ZC3H3: variants seen among roughly 807,000 people sequenced by gnomAD.
The protein encoded by ZC3H3 is zinc finger CCCH domain-containing protein 3.
A neutral mutation model predicts 77.3 loss-of-function variants in ZC3H3; 36 were observed. That is an observed-to-expected ratio of 0.47 (90% CI 0.36 to 0.61). The LOEUF is 0.61. ZC3H3 is among the 20% of genes least tolerant of loss of function. The probability of loss-of-function intolerance (pLI) is 0.00; values close to 1 mark genes in which losing one functional copy is unlikely to be tolerated. For synonymous variants in ZC3H3, 626 were observed against 555.2 expected, an observed-to-expected ratio of 1.13 and a Z score of -1.79; for missense variants, 1,331 against 1,312.2, an observed-to-expected ratio of 1.01 and a Z score of -0.22.
chr8:143,479,823 G>A (rs370004636), intron 4 of ZC3H3, among the ~76,000 whole-genome samples: 4 of 152,204 alleles, frequency 2.6e-5, no homozygotes, highest in African/African-American at 9.7e-5. Context: ...GCCAGGAGGG[G>A]GAGATAACAT....
At chr8:143,501,870 C>T (rs537245988) in intron 4 of ZC3H3, among the ~76,000 whole-genome samples, 4 of 152,368 alleles carry the variant, frequency 2.6e-5, no homozygotes, top group African/African-American at 9.6e-5. Flanking sequence ...CAGAAGATGG[C>T]GAGAACCCTG....
At chr8:143,439,979 C>G in intron 11 of ZC3H3, 62 bp downstream of exon 11, 1 of 1,410,622 alleles carries the variant, frequency 7.1e-7, no homozygotes. Context: ...CCAGGCCGTG[C>G]TGCCTACCTG....
chr8:143,445,987 T>C (rs1819854386), intron 9 of ZC3H3, among the ~76,000 whole-genome samples: 1 of 152,222 alleles, frequency 6.6e-6, no homozygotes, highest in Non-Finnish European at 1.5e-5. Flanking sequence ...ATTCAGAGCA[T>C]GGTTTGGCTC....
At chr8:143,534,943 G>A (rs1337994125) in intron 3 of ZC3H3, among the ~76,000 whole-genome samples, 6 of 151,892 alleles carry the variant, frequency 4.0e-5, no homozygotes, top group Non-Finnish European at 8.8e-5. Flanking sequence ...GGGACCCAAC[G>A]CCCTGCCCTC....
At chr8:143,532,128 TTGAAA>T (rs2130500319) in intron 3 of ZC3H3, among the ~76,000 whole-genome samples, 1 of 152,402 alleles carries the variant, frequency 6.6e-6, no homozygotes, top group East Asian at 1.9e-4. Context: ...TATCTGCCAC[TTGAAA>T]TGAACAGGGG....
In ZC3H3 at chr8:143,475,539, T is replaced by C. The variant is rs778535303; in HGVS notation, c.1762A>G (p.Lys588Glu). The C allele has an allele frequency of 6.2e-7, 1 of 1,610,492 alleles. No individual in the cohort carries two copies. Among genetic ancestry groups the C allele is most frequent in the Admixed American group, 1.7e-5 (1 of 59,578 alleles). The change falls in exon 5 of 12, where the codon AAA becomes GAA. Residue 588 changes from lysine (K) to glutamate (E), a missense_variant. By Grantham distance (56) the Lys-to-Glu change is moderately conservative. This residue lies in a region of ZC3H3 where 978 missense variants were observed against 915.5 expected (regional missense o/e 1.07). Coordinates refer to ENST00000262577, the MANE Select transcript of ZC3H3 (RefSeq NM_015117.3). ...CACCAAGGGGAGCCCGGTTGGGCTT[T>C]CCCACCCCCGCTGGCAACTGGACGC... ...RLRPVASGGG[K>E]AQPGSPWWRS...
intron 3 of ZC3H3, among the ~76,000 whole-genome samples, chr8:143,516,345 C>T (rs1047127017): frequency 6.6e-6 from 1 of 152,186 alleles, no homozygotes; most frequent in Non-Finnish European, 1.5e-5. Flanking sequence ...AGCAGGGCCA[C>T]GGGGCCGCTG....
chr8:143,471,020 T>C (rs1820547664), intron 5 of ZC3H3, among the ~76,000 whole-genome samples: 2 of 152,150 alleles, frequency 1.3e-5, no homozygotes, highest in South Asian at 4.1e-4. Context: ...TGTCAGGCTC[T>C]GCAAGGCAAG....
At position 143,465,955 on chromosome 8, in the gene ZC3H3, G is replaced by A. The variant is rs1008499119; in HGVS notation, c.2176-107C>T. ...CCCCGCCCGAGAGAGAAATGGACAC[G>A]CGGCACCAGCAGGCAGGAAGGGCAG... On this transcript the variant is annotated intron_variant, in intron 8 of 11. Coordinates refer to ENST00000262577, the MANE Select transcript of ZC3H3 (RefSeq NM_015117.3). 7.0e-6 allele frequency: 10 copies of A among 1,427,024 alleles called. No individual in the cohort carries two copies. In the East Asian group the frequency reaches 7.5e-5, roughly 11 times the overall value. The allele number at this position is 1,427,024 out of a possible 1,614,324, so 88.4% of individuals were successfully genotyped here.
intron 4 of ZC3H3, among the ~76,000 whole-genome samples, chr8:143,486,205 G>A (rs12542047): frequency 0.17 from 26,441 of 152,338 alleles, 2,888 homozygotes; most frequent in Non-Finnish European, 0.25. Context: ...CCACACGGCA[G>A]GGAAAAAGAA....
At chr8:143,505,350 G>T (rs1821656188) in intron 4 of ZC3H3, among the ~76,000 whole-genome samples, 2 of 152,228 alleles carry the variant, frequency 1.3e-5, no homozygotes, top group Non-Finnish European at 2.9e-5. Context: ...CACCGGAGAT[G>T]GCGCATGGGC....
At chr8:143,500,723 A>G (rs1385640626) in intron 4 of ZC3H3, among the ~76,000 whole-genome samples, 1 of 151,848 alleles carries the variant, frequency 6.6e-6, no homozygotes, top group African/African-American at 2.4e-5. Flanking sequence ...GGCCCCTCCC[A>G]CCACACAGCA....
intron 3 of ZC3H3, among the ~76,000 whole-genome samples, chr8:143,508,504 T>C (rs1821777055): frequency 6.6e-6 from 1 of 152,270 alleles, no homozygotes; most frequent in African/African-American, 2.4e-5. Context: ...TGCTGAATGT[T>C]TCATGCAATT....
intron 9 of ZC3H3, among the ~76,000 whole-genome samples, chr8:143,452,898 A>C (rs915953519): frequency 4.6e-5 from 7 of 152,350 alleles, no homozygotes; most frequent in Admixed American, 2.6e-4. Flanking sequence ...CAAAGAAATA[A>C]TACAAACTTT....
intron 5 of ZC3H3, among the ~76,000 whole-genome samples, chr8:143,472,513 C>T (rs958316328): frequency 5.3e-5 from 8 of 152,192 alleles, no homozygotes; most frequent in Non-Finnish European, 1.2e-4. Flanking sequence ...GCTGAGCGGG[C>T]CAGGGCTATG....
chr8:143,438,064 G>A lies in ZC3H3; in HGVS notation c.2839C>T (p.Arg947Cys), dbSNP rs1403437667. The change falls in exon 12 of 12, where the codon CGT becomes TGT. Residue 947 changes from arginine (R) to cysteine (C), a missense_variant. Coordinates refer to ENST00000262577, the MANE Select transcript of ZC3H3 (RefSeq NM_015117.3). ...DSGKPLHIKP[R>C]L ...GCCGGTCCCTGGGGTCCTCACAGACGTGGTTTGATGTGCAGAGGCTTCCCT... is the reference window on the plus strand; with the variant it reads ...GCCGGTCCCTGGGGTCCTCACAGACATGGTTTGATGTGCAGAGGCTTCCCT... The A allele has an allele frequency of 3.1e-6, 5 of 1,611,342 alleles. No homozygotes were observed. Among genetic ancestry groups the A allele is most frequent in the African/African-American group, 1.3e-5 (1 of 75,018 alleles).
At position 143,440,315 on chromosome 8, in the gene ZC3H3, A is replaced by T; in HGVS notation, c.2541T>A (p.Ala847=). 6.4e-7 allele frequency: 1 copy of T among 1,555,158 alleles called. No homozygotes were observed. Among genetic ancestry groups the T allele is most frequent in the Non-Finnish European group, 8.7e-7 (1 of 1,147,680 alleles). ...QRPTRQTPSS[A]ALTAAAVAAP... is the part of the protein sequence containing the mutation. The stretch of plus-strand genomic sequence containing the variant: ...CAGCCACGGCAGCCGCAGTGAGGGC[A>T]GCCGAGCTGGGCGTCTGCCTGGTGG... The change falls in exon 11 of 12, where the codon GCT becomes GCA. Residue 847 remains alanine (A), a synonymous_variant. Transcript: ENST00000262577.
chr8:143,508,020 T>C (rs1156584909), intron 3 of ZC3H3, 121 bp from the exon 4 acceptor site: 2 of 1,192,564 alleles, frequency 1.7e-6, no homozygotes, highest in Non-Finnish European at 2.3e-6. Context: ...AGACCCTCCA[T>C]CGCCCCGTGG....
chr8:143,462,705 G>A lies in ZC3H3; in HGVS notation c.2307+3012C>T, dbSNP rs1483917987. ...AGGGTGTGGGGAAAACGGCAGCGCG[G>A]AGGCTCACGGAGCAGGCACTGCAGA... On this transcript the variant is annotated intron_variant, in intron 9 of 11. Coordinates refer to ENST00000262577, the MANE Select transcript of ZC3H3 (RefSeq NM_015117.3). This position sits in a 1 kb window ranked among gnomAD's most constrained non-coding sequence, Gnocchi z 4.7. Among the ~76,000 whole-genome samples the A allele has an allele frequency of 6.6e-6, 1 of 152,226 alleles. No homozygotes were observed. Among genetic ancestry groups the A allele is most frequent in the Non-Finnish European group, 1.5e-5 (1 of 68,050 alleles).
Sources: allele counts gnomAD v4.1 joint callset (sites outside exome capture counted in the v4.1 genomes callset), GRCh38; gene constraint gnomAD v4.1.1; regional missense constraint gnomAD v4.1.1; non-coding constraint Gnocchi (gnomAD v3.1); transcripts MANE v1.5; gene names NCBI Gene and HGNC (gene_info 2026-07-23, HGNC 2026-07-21).